OXCT1: variants seen among roughly 807,000 people sequenced by gnomAD.
OXCT1 encodes 3-oxoacid CoA-transferase 1.
In OXCT1, 27 loss-of-function variants were observed where a neutral mutation model predicts 69.6. That is an observed-to-expected ratio of 0.39 (90% CI 0.29 to 0.54). The LOEUF (loss-of-function observed/expected upper bound fraction) is 0.54. OXCT1 is among the 20% of genes least tolerant of loss of function. The probability of loss-of-function intolerance (pLI) is 0.72; values close to 1 mark genes in which losing one functional copy is unlikely to be tolerated. For missense variants in OXCT1, 437 were observed against 650.2 expected (o/e 0.67, Z 3.57); for synonymous variants, 202 against 217.8 (o/e 0.93, Z 0.64).
rs1216417520 is a variant in OXCT1, at chr5:41,748,092, T to A, written c.1419+1435A>T. Among the ~76,000 whole-genome samples the A allele has an allele frequency of 2.0e-5, 3 of 152,096 alleles. No homozygotes were observed. In the East Asian group the frequency reaches 5.8e-4, roughly 29 times the overall value. ...AAATGATAGTAAAGTTAAATATCAA[T>A]GTAAGTTATAGCATAAGAATACATT... On this transcript the variant is annotated intron_variant, in intron 15 of 16. Transcript: ENST00000196371.
intron 15 of OXCT1, among the ~76,000 whole-genome samples, chr5:41,739,937 A>G (rs75199907): frequency 0.018 from 2,762 of 152,202 alleles, 36 homozygotes; most frequent in Non-Finnish European, 0.03. Context: ...AAAAATGTCA[A>G]CTGTAACTAT....
At chr5:41,766,947 C>G (rs974309631) in intron 13 of OXCT1, among the ~76,000 whole-genome samples, 5 of 152,106 alleles carry the variant, frequency 3.3e-5, no homozygotes, top group African/African-American at 9.7e-5. Flanking sequence ...CTAGCTCTTA[C>G]TGCTCAATAT....
intron 7 of OXCT1, among the ~76,000 whole-genome samples, chr5:41,836,759 G>A (rs1748382110): frequency 6.6e-6 from 1 of 152,088 alleles, no homozygotes; most frequent in Non-Finnish European, 1.5e-5. Flanking sequence ...AGGCAGTAAT[G>A]CTCACTCACC....
At chr5:41,733,218 G>A (rs1191124372) in intron 16 of OXCT1, among the ~76,000 whole-genome samples, 1 of 149,714 alleles carries the variant, frequency 6.7e-6, no homozygotes, top group South Asian at 2.1e-4. Flanking sequence ...AAACAACAGA[G>A]CATCTGTGGA....
At chr5:41,784,098 T>C (rs1234184410) in intron 13 of OXCT1, among the ~76,000 whole-genome samples, 1 of 152,228 alleles carries the variant, frequency 6.6e-6, no homozygotes, top group African/African-American at 2.4e-5. Flanking sequence ...TCTTCAGTAT[T>C]CCTCCCTTTG....
chr5:41,784,852 T>G (rs1313688968), intron 13 of OXCT1, among the ~76,000 whole-genome samples: 1 of 152,236 alleles, frequency 6.6e-6, no homozygotes, highest in Non-Finnish European at 1.5e-5. Context: ...AATCACAGTT[T>G]TTAATCATTG....
Position 41,750,655 on chromosome 5 carries a change from C to G in OXCT1, c.1339-1048G>C, listed in dbSNP as rs1743736813. Among the ~76,000 whole-genome samples the G allele has an allele frequency of 3.9e-5, 6 of 152,216 alleles. No individual in the cohort carries two copies. In the South Asian group the frequency reaches 8.3e-4, roughly 21 times the overall value. On this transcript the variant is annotated intron_variant, in intron 14 of 16. Coordinates refer to ENST00000196371, the MANE Select transcript of OXCT1 (RefSeq NM_000436.4). ...AATGTTTTACCTGCTTAAATGCACA[C>G]CTACTATCTAGTTTATATCTCTCCC...
chr5:41,791,943 C>G (rs1230609930), intron 13 of OXCT1, among the ~76,000 whole-genome samples: 4 of 152,038 alleles, frequency 2.6e-5, no homozygotes, highest in Admixed American at 6.5e-5. Context: ...AGCTGGGACT[C>G]AAGCGCATGC....
chr5:41,822,439 A>G (rs1408338334), intron 7 of OXCT1, among the ~76,000 whole-genome samples: 1 of 152,152 alleles, frequency 6.6e-6, no homozygotes, highest in Non-Finnish European at 1.5e-5. Context: ...CCTTGCTCTG[A>G]AGTCTACTTT....
At chr5:41,735,865 A>G (rs1281616153) in intron 16 of OXCT1, among the ~76,000 whole-genome samples, 1 of 152,240 alleles carries the variant, frequency 6.6e-6, no homozygotes, top group Non-Finnish European at 1.5e-5. Context: ...GTCTTCACCT[A>G]GAAAGCAATG....
At chr5:41,738,977 C>A (rs533694849) in intron 16 of OXCT1, among the ~76,000 whole-genome samples, 49 of 152,284 alleles carry the variant, frequency 3.2e-4, no homozygotes, top group Non-Finnish European at 5.6e-4. Context: ...TAGAGAAAGT[C>A]ATAAGTCATA....
intron 3 of OXCT1, among the ~76,000 whole-genome samples, chr5:41,857,695 G>A (rs780223132): frequency 2.6e-5 from 4 of 152,156 alleles, no homozygotes; most frequent in Non-Finnish European, 4.4e-5. Context: ...ACCTGGGGCT[G>A]GTAACAGCAC....
At chr5:41,761,473 G>T (rs920247181) in intron 14 of OXCT1, among the ~76,000 whole-genome samples, 1 of 151,726 alleles carries the variant, frequency 6.6e-6, no homozygotes, top group East Asian at 1.9e-4. Flanking sequence ...TGAAGGAAGA[G>T]GAAAAAGACT....
intron 11 of OXCT1, among the ~76,000 whole-genome samples, chr5:41,796,385 A>G (rs941636919): frequency 6.6e-6 from 1 of 152,224 alleles, no homozygotes; most frequent in African/African-American, 2.4e-5. Context: ...TCAGTATAAT[A>G]GGGCAGACAA....
chr5:41,734,240 T>C (rs2111970562), intron 16 of OXCT1, among the ~76,000 whole-genome samples: 1 of 152,346 alleles, frequency 6.6e-6, no homozygotes, highest in South Asian at 2.1e-4. Flanking sequence ...ACATTGGGTG[T>C]ATGACTAGTG....
intron 1 of OXCT1, among the ~76,000 whole-genome samples, chr5:41,868,735 A>G (rs997471750): frequency 2.0e-5 from 3 of 151,964 alleles, no homozygotes; most frequent in African/African-American, 4.8e-5. Flanking sequence ...AAAAAAAAAA[A>G]CAATAAGGGC....
chr5:41,813,668 G>A (rs556605662), intron 7 of OXCT1, among the ~76,000 whole-genome samples: 189 of 152,160 alleles, frequency 1.2e-3, no homozygotes, highest in African/African-American at 4.2e-3. Context: ...ACAGTCTGAC[G>A]CTCATGCCTC....
At chr5:41,767,729 T>TATATATATATAA in intron 13 of OXCT1, among the ~76,000 whole-genome samples, 1 of 92,578 alleles carries the variant, frequency 1.1e-5, no homozygotes, top group South Asian at 3.4e-4. Flanking sequence ...TGTGTATATA[T>TATATATATATAA]ATATATATAT....
intron 13 of OXCT1, among the ~76,000 whole-genome samples, chr5:41,779,204 T>C (rs1007192542): frequency 3.1e-4 from 47 of 152,200 alleles, no homozygotes; most frequent in African/African-American, 9.9e-4. Context: ...GTAGCATCTT[T>C]AGAAATGTGT....
Sources: allele counts gnomAD v4.1 joint callset (sites outside exome capture counted in the v4.1 genomes callset), GRCh38; gene constraint gnomAD v4.1.1; transcripts MANE v1.5; gene names NCBI Gene and HGNC (gene_info 2026-07-23, HGNC 2026-07-21).